The following ZNF431 variants were observed in gnomAD, a reference collection of about 807,000 sequenced individuals.
The protein encoded by ZNF431 is zinc finger protein 431.
In ZNF431, 34 loss-of-function variants were observed where a neutral mutation model predicts 57.0. The ratio of observed to expected loss-of-function variants is 0.60; its 90% CI spans 0.45 to 0.79. The LOEUF (loss-of-function observed/expected upper bound fraction) is 0.79. Ranked by LOEUF, ZNF431 falls within the 30% of genes least tolerant of loss-of-function variation. The pLI, the probability that ZNF431 is intolerant of heterozygous loss-of-function variation, is 0.00. For synonymous variants in ZNF431, 207 were observed against 220.3 expected, an observed-to-expected ratio of 0.94 and a Z score of 0.54; for missense variants, 607 against 667.1, an observed-to-expected ratio of 0.91 and a Z score of 0.99.
At chr19:21,178,325 C>G (rs966552408) in intron 4 of ZNF431, among the ~76,000 whole-genome samples, 5 of 152,080 alleles carry the variant, frequency 3.3e-5, no homozygotes, top group African/African-American at 4.8e-5. Context: ...CCTGATTTCC[C>G]TGGCCAGAAC....
chr19:21,177,464 G>C (rs1453080329), intron 4 of ZNF431, among the ~76,000 whole-genome samples: 1 of 152,106 alleles, frequency 6.6e-6, no homozygotes, highest in African/African-American at 2.4e-5. Flanking sequence ...ATATCATGAT[G>C]CCTCCAGCTT....
rs1387342682 is a variant in ZNF431, at chr19:21,188,692, T to C, written c.*4658T>C. The C allele has an allele frequency of 6.6e-6, 1 of 152,196 alleles. No homozygotes were observed. Among genetic ancestry groups the C allele is most frequent in the Non-Finnish European group, 1.5e-5 (1 of 68,020 alleles). The allele number at this position is 152,196 out of a possible 1,614,324, so 9.4% of individuals were successfully genotyped here. A position where few individuals can be genotyped will look rare whatever the true frequency, so the allele number is the denominator to read the frequency against. ...TTAGTCACCAAACTGTAGCCAACTC[T>C]TGGGTCATTTTCTCTGAAAAACATT... On this transcript the variant is annotated 3_prime_UTR_variant, in exon 5 of 5. Coordinates refer to ENST00000311048, the MANE Select transcript of ZNF431 (RefSeq NM_133473.4).
At chr19:21,181,564 T>C (rs1431469893) in intron 4 of ZNF431, among the ~76,000 whole-genome samples, 1 of 152,130 alleles carries the variant, frequency 6.6e-6, no homozygotes, top group African/African-American at 2.4e-5. Context: ...TTGTTATAAA[T>C]ATCTTTATGT....
chr19:21,173,125 A>G (rs1187538019), intron 4 of ZNF431, among the ~76,000 whole-genome samples: 1 of 152,142 alleles, frequency 6.6e-6, no homozygotes, highest in Admixed American at 6.6e-5. Context: ...AAAACATTTG[A>G]TCTTTGATTT....
chr19:21,184,101 C>T lies in ZNF431; in HGVS notation c.*67C>T. 2.1e-6 allele frequency: 3 copies of T among 1,418,200 alleles called. No homozygotes were observed. The highest frequency in any genetic ancestry group is 5.3e-5 in the Admixed American group (2 of 37,874). The allele number at this position is 1,418,200 out of a possible 1,614,324, so 87.9% of individuals were successfully genotyped here. On this transcript the variant is annotated 3_prime_UTR_variant, in exon 5 of 5. Coordinates refer to ENST00000311048, the MANE Select transcript of ZNF431 (RefSeq NM_133473.4). ...GCGGTGGCTTATGCAAAATGGCTCC[C>T]AGCATTTTGGGAGGCTGAGGTGGGT...
chr19:21,143,971 C>A (rs1042252608), intron 2 of ZNF431, among the ~76,000 whole-genome samples: 2 of 151,982 alleles, frequency 1.3e-5, no homozygotes, highest in Non-Finnish European at 2.9e-5. Flanking sequence ...CCGAGAAATA[C>A]TGCAGTGTCT....
At chr19:21,154,724 A>T (rs1396315526) in intron 2 of ZNF431, among the ~76,000 whole-genome samples, 3 of 152,128 alleles carry the variant, frequency 2.0e-5, no homozygotes, top group African/African-American at 7.2e-5. Flanking sequence ...AACTGGTGTG[A>T]GATGGTATCT....
At chr19:21,150,278 T>G in intron 2 of ZNF431, 1 of 485,656 alleles carries the variant, frequency 2.1e-6, no homozygotes. Flanking sequence ...AGTGGGGCCA[T>G]TTCGGGTGAG....
At chr19:21,154,587 A>G (rs1437298562) in intron 2 of ZNF431, among the ~76,000 whole-genome samples, 5 of 152,174 alleles carry the variant, frequency 3.3e-5, no homozygotes, top group Non-Finnish European at 5.9e-5. Context: ...TCCCTGAGGA[A>G]TCGCCACACT....
intron 2 of ZNF431, among the ~76,000 whole-genome samples, chr19:21,152,039 AT>A (rs893687762): frequency 6.6e-6 from 1 of 152,192 alleles, no homozygotes; most frequent in Non-Finnish European, 1.5e-5. Flanking sequence ...AAAAAGAAAA[AT>A]TATCTTTTTC....
Position 21,183,195 on chromosome 19 carries a change from A to T in ZNF431, c.892A>T (p.Asn298Tyr). 4 of 1,613,970 alleles carry T rather than the reference A, an allele frequency of 2.5e-6. No individual in the cohort carries two copies. The highest frequency in any genetic ancestry group is 3.4e-6 in the Non-Finnish European group (4 of 1,179,926). ...YRCEECGKAF[N>Y]RSSHLTTHKI... ...ATGTGAAGAATGTGGCAAAGCCTTC[A>T]ACCGGTCCTCACACCTTACTACACA... The change falls in exon 5 of 5, where the codon AAC becomes TAC. Residue 298 changes from asparagine (N) to tyrosine (Y), a missense_variant. Asn to Tyr is a moderately radical substitution (Grantham distance 143). Coordinates refer to ENST00000311048, the MANE Select transcript of ZNF431 (RefSeq NM_133473.4).
At position 21,187,099 on chromosome 19, in the gene ZNF431, C is replaced by T. The variant is rs1971390408; in HGVS notation, c.*3065C>T. On this transcript the variant is annotated 3_prime_UTR_variant, in exon 5 of 5. Transcript: ENST00000311048. ...CTGAAGTTAGTTTGTAACTTCAAGT[C>T]AAAGATGAAAAATATCAATGGTGAA... is the stretch of plus-strand genomic sequence containing the variant. 6.6e-6 allele frequency: 1 copy of T among 151,924 alleles called. No homozygotes were observed. The highest frequency in any genetic ancestry group is 1.5e-5 in the Non-Finnish European group (1 of 68,006). The allele number at this position is 151,924 out of a possible 1,614,324, so 9.4% of individuals were successfully genotyped here.
intron 2 of ZNF431, among the ~76,000 whole-genome samples, chr19:21,146,660 T>G (rs187637286): frequency 6.6e-6 from 1 of 152,306 alleles, no homozygotes; most frequent in Admixed American, 6.5e-5. Context: ...CAGAGGTCAC[T>G]CTCGTCACAT....
chr19:21,168,275 A>C (rs1321565686), intron 4 of ZNF431, among the ~76,000 whole-genome samples: 1 of 152,182 alleles, frequency 6.6e-6, no homozygotes, highest in Non-Finnish European at 1.5e-5. Context: ...ATTGTGAAAA[A>C]AATACCACTG....
intron 1 of ZNF431, 66 bp from the exon 2 acceptor site, chr19:21,143,485 T>C (rs1969997451): frequency 1.6e-6 from 2 of 1,261,192 alleles, no homozygotes; most frequent in African/African-American, 1.5e-5. Flanking sequence ...AACTAAGATA[T>C]CCACCGTGGT....
chr19:21,166,566 TA>T, intron 3 of ZNF431, 105 bp downstream of exon 3: 1 of 1,297,692 alleles, frequency 7.7e-7, no homozygotes, highest in Non-Finnish European at 1.0e-6. Flanking sequence ...AATGAGTTTC[TA>T]ATCCCAGTTT....
chr19:21,154,006 G>A (rs995214011), intron 2 of ZNF431, among the ~76,000 whole-genome samples: 4 of 152,130 alleles, frequency 2.6e-5, no homozygotes, highest in Admixed American at 1.3e-4. Flanking sequence ...ATGAGCCGCC[G>A]CACCCATTGG....
intron 4 of ZNF431, among the ~76,000 whole-genome samples, chr19:21,167,899 A>G (rs1466049191): frequency 6.6e-6 from 1 of 152,212 alleles, no homozygotes; most frequent in Non-Finnish European, 1.5e-5. Flanking sequence ...CTTCAAGTCT[A>G]CAAGAGAGCC....
rs1363277173 is a variant in ZNF431 at position 21,167,562 on chromosome 19, A to G, written c.224-9A>G. On this transcript the variant is annotated splice_polypyrimidine_tract_variant and intron_variant, in intron 3 of 4. Transcript: ENST00000311048. ...GCAAGATTCATGTTATTTATTTTTAATAAAGCAGGTGTTGCTGTCTCTAAG... is the reference window on the plus strand; with the variant it reads ...GCAAGATTCATGTTATTTATTTTTAGTAAAGCAGGTGTTGCTGTCTCTAAG... 3.2e-6 allele frequency: 5 copies of G among 1,540,074 alleles called. No homozygotes were observed. Among genetic ancestry groups the G allele is most frequent in the Non-Finnish European group, 4.4e-6 (5 of 1,144,734 alleles).
Sources: gnomAD v4.1 joint callset for allele counts (sites outside exome capture counted in the v4.1 genomes callset) on GRCh38, gnomAD v4.1.1 for gene constraint, MANE v1.5 for transcripts, NCBI Gene and HGNC (gene_info 2026-07-23, HGNC 2026-07-21) for gene names.